Variants in ZNF230 observed in about 807,000 individuals in gnomAD.
The protein encoded by ZNF230 is zinc finger protein FDZF2.
Under a neutral mutation model 10.0 loss-of-function variants are expected in ZNF230, and 12 were observed. The observed-to-expected ratio is 1.20, with a 90% CI of 0.77 to 1.95. The LOEUF (loss-of-function observed/expected upper bound fraction) is 1.95, where lower values mean the gene tolerates loss of function less well. Ranked by LOEUF, ZNF230 falls within the 30% of genes most tolerant of loss-of-function variation. ZNF230 has a pLI of 0.00. For missense variants in ZNF230, 532 were observed against 565.8 expected, an observed-to-expected ratio of 0.94 and a Z score of 0.61; for synonymous variants, 174 against 193.6, an observed-to-expected ratio of 0.90 and a Z score of 0.84.
intron 1 of ZNF230, among the ~76,000 whole-genome samples, chr19:44,006,143 A>T (rs1976121460): frequency 6.6e-6 from 1 of 152,018 alleles, no homozygotes; most frequent in African/African-American, 2.4e-5. Context: ...TATTGTTGGT[A>T]AGGATATTGC....
rs924755087 is a variant in ZNF230 at position 44,012,272 on chromosome 19, T to C, written c.*808T>C. The C allele has an allele frequency of 4.7e-6, 2 of 429,032 alleles. No individual in the cohort carries two copies. Among genetic ancestry groups the C allele is most frequent in the Non-Finnish European group, 9.2e-6 (2 of 217,600 alleles). 26.6% of individuals were successfully genotyped at this position (429,032 alleles called of 1,614,324 possible). A position where few individuals can be genotyped will look rare whatever the true frequency, so the allele number is the denominator to read the frequency against. On this transcript the variant is annotated 3_prime_UTR_variant, in exon 5 of 5. Transcript: ENST00000429154. Reference sequence around the variant, plus strand: ...GTAATGAGGTGTGTGATAAAGTCTCTGCTCAGTTGTCTATAATCTCATTTG... The same window carrying C: ...GTAATGAGGTGTGTGATAAAGTCTCCGCTCAGTTGTCTATAATCTCATTTG...
In ZNF230 at chr19:44,010,947, C is replaced by G. The variant is rs770402471; in HGVS notation, c.908C>G (p.Thr303Arg). Reference sequence around the variant, plus strand: ...CTTAATAGGCATTGCATGGTCCACACAGCAGAGAAACTGTACAAATCTGAG... The same window carrying G: ...CTTAATAGGCATTGCATGGTCCACAGAGCAGAGAAACTGTACAAATCTGAG... ...SSLNRHCMVH[T>R]AEKLYKSEEC... The change falls in exon 5 of 5, where the codon ACA becomes AGA. Residue 303 changes from threonine to arginine, a missense_variant. Coordinates refer to ENST00000429154, the MANE Select transcript of ZNF230 (RefSeq NM_006300.4). 7 of 1,614,068 alleles carry G rather than the reference C, an allele frequency of 4.3e-6. No homozygotes were observed. The Admixed American group carries it at 8.3e-5, about 19-fold the overall frequency.
Position 44,012,461 on chromosome 19 carries a change from A to G in ZNF230, c.*997A>G, listed in dbSNP as rs764369454. On this transcript the variant is annotated 3_prime_UTR_variant, in exon 5 of 5. Transcript: ENST00000429154. ...TAAATTCAGTGTTTCACCATAGCTCAGCATTCTCCCATCATCCTAGGACCA... is the reference window on the plus strand; with the variant it reads ...TAAATTCAGTGTTTCACCATAGCTCGGCATTCTCCCATCATCCTAGGACCA... The G allele has an allele frequency of 1.2e-5, 6 of 518,972 alleles. No homozygotes were observed. The highest frequency in any genetic ancestry group is 1.9e-5 in the Non-Finnish European group (5 of 259,888). The allele number at this position is 518,972 out of a possible 1,614,324, so 32.1% of individuals were successfully genotyped here. A position where few individuals can be genotyped will look rare whatever the true frequency, so the allele number is the denominator to read the frequency against.
chr19:44,009,719 T>C (rs1375794126), intron 4 of ZNF230, among the ~76,000 whole-genome samples: 1 of 152,206 alleles, frequency 6.6e-6, no homozygotes, highest in Admixed American at 6.5e-5. Flanking sequence ...TAAATCATAT[T>C]GTTTCACTAT....
At chr19:44,008,282 A>T (rs892248319) in intron 2 of ZNF230, among the ~76,000 whole-genome samples, 1 of 152,252 alleles carries the variant, frequency 6.6e-6, no homozygotes, top group Non-Finnish European at 1.5e-5. Context: ...ACACTGCATA[A>T]CTAGCACATT....
Position 44,011,044 on chromosome 19 carries a change from G to A in ZNF230, c.1005G>A (p.Pro335=), listed in dbSNP as rs149029222. Residue 335 remains proline (P), a synonymous_variant, in exon 5 of 5, where the codon CCG becomes CCA. Transcript: ENST00000429154. The stretch of plus-strand genomic sequence containing the variant: ...AGATAATTCACACAGGACAGAAACC[G>A]TACAATTGTAAAGAATGTGGGAAGA... ...KHQIIHTGQK[P]YNCKECGKSF... 4.9e-5 allele frequency: 79 copies of A among 1,614,020 alleles called. No homozygotes were observed. The East Asian group carries it at 1.1e-3, about 22-fold the overall frequency.
In ZNF230 at chr19:44,010,841, C is replaced by T. The variant is rs1976173212; in HGVS notation, c.802C>T (p.Gln268Ter). 1 of 1,614,066 alleles carries T rather than the reference C, an allele frequency of 6.2e-7. No individual in the cohort carries two copies. Among genetic ancestry groups the T allele is most frequent in the Non-Finnish European group, 8.5e-7 (1 of 1,180,026 alleles). ...GRAFIHDFQL[Q>*]KHQIIHTGEK... is the part of the protein sequence containing the mutation. Reference sequence around the variant, plus strand: ...GGCCTTCATTCACGATTTCCAGCTTCAGAAACATCAGATAATTCATACTGG... The same window carrying T: ...GGCCTTCATTCACGATTTCCAGCTTTAGAAACATCAGATAATTCATACTGG... Residue 268 changes from glutamine (Q) to a stop codon, truncating the protein, a stop_gained, in exon 5 of 5, where the codon CAG becomes TAG. Transcript: ENST00000429154. LOFTEE classifies it low-confidence loss of function (END_TRUNC).
At position 44,012,389 on chromosome 19, in the gene ZNF230, T is replaced by C. The variant is rs762655415; in HGVS notation, c.*925T>C. The C allele has an allele frequency of 5.8e-6, 3 of 518,878 alleles. No homozygotes were observed. Among genetic ancestry groups the C allele is most frequent in the African/African-American group, 5.8e-5 (3 of 51,972 alleles). 32.1% of individuals were successfully genotyped at this position (518,878 alleles called of 1,614,324 possible). A position where few individuals can be genotyped will look rare whatever the true frequency, so the allele number is the denominator to read the frequency against. On this transcript the variant is annotated 3_prime_UTR_variant, in exon 5 of 5. Transcript: ENST00000429154. ...CATAATTTATCACAGTCCATACTGA[T>C]AATATATTTCATCCAGGCTTGTAGG... is the stretch of plus-strand genomic sequence containing the variant.
intron 2 of ZNF230, among the ~76,000 whole-genome samples, chr19:44,008,244 T>G (rs1416969886): frequency 6.6e-6 from 1 of 152,024 alleles, no homozygotes; most frequent in African/African-American, 2.4e-5. Context: ...TAAAAAAAAA[T>G]AAAAAGATGT....
In ZNF230 at chr19:44,010,161, T is replaced by C. The variant is rs921911749; in HGVS notation, c.230-108T>C. On this transcript the variant is annotated intron_variant, in intron 4 of 4. Transcript: ENST00000429154. Reference sequence around the variant, plus strand: ...GAAAACAAGATTCATGGGGAAAACATAAACTGAACATTCATTAAAGTTGAA... The same window carrying C: ...GAAAACAAGATTCATGGGGAAAACACAAACTGAACATTCATTAAAGTTGAA... The C allele has an allele frequency of 8.4e-6, 9 of 1,076,538 alleles. No individual in the cohort carries two copies. In the African/African-American group the frequency reaches 1.4e-4, roughly 17 times the overall value. 66.7% of individuals were successfully genotyped at this position (1,076,538 alleles called of 1,614,324 possible). A position where few individuals can be genotyped will look rare whatever the true frequency, so the allele number is the denominator to read the frequency against.
chr19:44,012,371 T>G lies in ZNF230; in HGVS notation c.*907T>G. ...TTCAGTGTGTGTTTATATCATAATT[T>G]ATCACAGTCCATACTGATAATATAT... On this transcript the variant is annotated 3_prime_UTR_variant, in exon 5 of 5. Coordinates refer to ENST00000429154, the MANE Select transcript of ZNF230 (RefSeq NM_006300.4). The G allele has an allele frequency of 1.9e-6, 1 of 518,408 alleles. No homozygotes were observed. Among genetic ancestry groups the G allele is most frequent in the Admixed American group, 1.9e-5 (1 of 51,480 alleles). The allele number at this position is 518,408 out of a possible 1,614,324, so 32.1% of individuals were successfully genotyped here.
Position 44,009,448 on chromosome 19 carries a change from C to A in ZNF230, c.229+278C>A, listed in dbSNP as rs915517945. The A allele has an allele frequency of 7.6e-5, 40 of 526,298 alleles. 2 individuals carry two copies. The South Asian group carries it at 1.2e-3, about 16-fold the overall frequency. The allele number at this position is 526,298 out of a possible 1,614,324, so 32.6% of individuals were successfully genotyped here. A position where few individuals can be genotyped will look rare whatever the true frequency, so the allele number is the denominator to read the frequency against. On this transcript the variant is annotated intron_variant, in intron 4 of 4. Coordinates refer to ENST00000429154, the MANE Select transcript of ZNF230 (RefSeq NM_006300.4). ...ATTAATGTTATTAAAGTTACAACCT[C>A]TTTATTGGCTTTTAGAGACCCTGAG...
chr19:44,007,895 A>G (rs1976137587), intron 2 of ZNF230, among the ~76,000 whole-genome samples: 1 of 152,200 alleles, frequency 6.6e-6, no homozygotes, highest in African/African-American at 2.4e-5. Context: ...GGCTGCACCA[A>G]TTCCATGGAA....
At chr19:44,003,820 T>G (rs1207993693) in intron 1 of ZNF230, 1 of 159,760 alleles carries the variant, frequency 6.3e-6, no homozygotes. Context: ...GAATGGGTGT[T>G]GATAATCATT....
intron 2 of ZNF230, 85 bp downstream of exon 2, chr19:44,007,178 C>A: frequency 7.2e-7 from 1 of 1,394,968 alleles, no homozygotes. Flanking sequence ...TGGGAAGACT[C>A]AAGGAGGAAA....
chr19:44,008,151 CA>C (rs1976139552), intron 2 of ZNF230, among the ~76,000 whole-genome samples: 1 of 152,092 alleles, frequency 6.6e-6, no homozygotes, highest in African/African-American at 2.4e-5. Context: ...CTATATGCCT[CA>C]GGGGTAACAT....
At chr19:44,005,527 A>C (rs1213142358) in intron 1 of ZNF230, among the ~76,000 whole-genome samples, 1 of 152,220 alleles carries the variant, frequency 6.6e-6, no homozygotes, top group Non-Finnish European at 1.5e-5. Flanking sequence ...GATAGTGTTG[A>C]ATAGCATATT....
rs749148885 is a variant in ZNF230, at chr19:44,008,757, T to C, written c.16-33T>C. On this transcript the variant is annotated intron_variant, in intron 2 of 4. Transcript: ENST00000429154. ...CTCCTCCCCCAGTAGTCCATGGTCA[T>C]AGGATTGAGGTTATGTATCCTTGAT... is the stretch of plus-strand genomic sequence containing the variant. 6.2e-6 allele frequency: 10 copies of C among 1,609,374 alleles called. No individual in the cohort carries two copies. In the South Asian group the frequency reaches 9.9e-5, roughly 16 times the overall value.
chr19:44,010,934 T>G lies in ZNF230; in HGVS notation c.895T>G (p.Cys299Gly). 6.2e-7 allele frequency: 1 copy of G among 1,614,196 alleles called. No individual in the cohort carries two copies. Among genetic ancestry groups the G allele is most frequent in the African/African-American group, 1.3e-5 (1 of 75,060 alleles). The change falls in exon 5 of 5, where the codon TGC becomes GGC. Residue 299 changes from cysteine to glycine, a missense_variant. Physicochemically the swap from Cys to Gly is radical, Grantham distance 159. Coordinates refer to ENST00000429154, the MANE Select transcript of ZNF230 (RefSeq NM_006300.4). ...FCLRSSLNRH[C>G]MVHTAEKLYK... is the part of the protein sequence containing the mutation. The stretch of plus-strand genomic sequence containing the variant: ...CCTTAGGTCAAGTCTTAATAGGCAT[T>G]GCATGGTCCACACAGCAGAGAAACT...
Sources: allele counts gnomAD v4.1 joint callset (sites outside exome capture counted in the v4.1 genomes callset), GRCh38; gene constraint gnomAD v4.1.1; transcripts MANE v1.5; gene names NCBI Gene and HGNC (gene_info 2026-07-23, HGNC 2026-07-21).